FANCD2: variants seen among roughly 807,000 people sequenced by gnomAD.
FANCD2 encodes the protein Fanconi anemia group D2 protein.
In FANCD2, 131 loss-of-function variants were observed where a neutral mutation model predicts 192.3. That is an observed-to-expected ratio of 0.68 (90% CI 0.59 to 0.79). The LOEUF (loss-of-function observed/expected upper bound fraction) is 0.79. Among genes scored for constraint, FANCD2 ranks in the 30% least tolerant of loss-of-function variants. FANCD2 has a pLI of 0.00. For missense variants in FANCD2, 1,508 were observed against 1,701.6 expected (o/e 0.89, Z 2.00); for synonymous variants, 524 against 612.5 (o/e 0.86, Z 2.13).
intron 43 of FANCD2, among the ~76,000 whole-genome samples, chr3:10,100,806 A>G (rs1695255892): frequency 6.6e-6 from 1 of 152,192 alleles, no homozygotes; most frequent in African/African-American, 2.4e-5. Context: ...GCAATGGCTC[A>G]CGCCTGTAAT....
At chr3:10,029,238 A>T (rs1257242890) in intron 2 of FANCD2, among the ~76,000 whole-genome samples, 2 of 152,188 alleles carry the variant, frequency 1.3e-5, no homozygotes, top group African/African-American at 4.8e-5. Flanking sequence ...TATCGCTCAC[A>T]CCTGTAATCC....
chr3:10,098,532 G>A (rs34930341), intron 42 of FANCD2, among the ~76,000 whole-genome samples, 188 bp from the exon 43 acceptor site: 36 of 152,266 alleles, frequency 2.4e-4, no homozygotes, highest in African/African-American at 8.2e-4. Flanking sequence ...CAGGGCCACA[G>A]ACATCTCAGA....
intron 2 of FANCD2, among the ~76,000 whole-genome samples, chr3:10,031,489 A>G (rs35590470): frequency 0.17 from 25,349 of 148,772 alleles, 2,393 homozygotes; most frequent in African/African-American, 0.24. Flanking sequence ...GCGACAGAGC[A>G]AGACTCCATT....
intron 18 of FANCD2, among the ~76,000 whole-genome samples, chr3:10,056,302 G>A (rs900557097): frequency 3.9e-5 from 6 of 152,116 alleles, no homozygotes; most frequent in African/African-American, 1.4e-4. Context: ...ATATTTGTTT[G>A]AGTCCCTGTT....
rs111589951 is a variant in FANCD2 at position 10,060,167 on chromosome 3, C to CAA, written c.1657-113_1657-112dup. Reference sequence around the variant, plus strand: ...AGGCAACAAGAACGAAAGTCCGTCTCAAAAAAAAAAAAAAACAGTTAGTAA... The same window carrying CAA: ...AGGCAACAAGAACGAAAGTCCGTCTCAAAAAAAAAAAAAAAAACAGTTAGTAA... On this transcript the variant is annotated intron_variant, in intron 18 of 43. Transcript: ENST00000675286. The CAA allele has an allele frequency of 0.056, 29,993 of 534,850 alleles. 374 individuals carry two copies. The highest frequency in any genetic ancestry group is 0.13 in the African/African-American group (5,829 of 43,310). The allele number at this position is 534,850 out of a possible 1,614,324, so 33.1% of individuals were successfully genotyped here. A position where few individuals can be genotyped will look rare whatever the true frequency, so the allele number is the denominator to read the frequency against.
intron 32 of FANCD2, among the ~76,000 whole-genome samples, chr3:10,084,579 C>T (rs944059634): frequency 2.0e-5 from 3 of 152,106 alleles, no homozygotes; most frequent in Admixed American, 6.6e-5. Context: ...GCATTAGAGG[C>T]GTGAGCCACC....
chr3:10,096,081 A>T (rs1175773458), intron 41 of FANCD2, among the ~76,000 whole-genome samples: 5 of 152,208 alleles, frequency 3.3e-5, no homozygotes, highest in Non-Finnish European at 7.3e-5. Flanking sequence ...AATTCATTGA[A>T]GATCGGCCAG....
In FANCD2 at chr3:10,039,947, A is replaced by G. The variant is rs35775868; in HGVS notation, c.695+102A>G. On this transcript the variant is annotated intron_variant, in intron 9 of 43. Transcript: ENST00000675286. ...AGTAATATGGTCTCTTCTATCTAAA[A>G]AGAGGATGATACCCCCCTTCATGAG... 57,249 of 1,406,340 alleles carry G rather than the reference A, an allele frequency of 0.041. 1,356 individuals are homozygous for G. The highest frequency in any genetic ancestry group is 0.067 in the South Asian group (5,575 of 83,416). 87.1% of individuals were successfully genotyped at this position (1,406,340 alleles called of 1,614,324 possible). A position where few individuals can be genotyped will look rare whatever the true frequency, so the allele number is the denominator to read the frequency against.
chr3:10,078,104 G>T lies in FANCD2; in HGVS notation c.2883G>T (p.Gly961=). 6.2e-7 allele frequency: 1 copy of T among 1,613,476 alleles called. No individual in the cohort carries two copies. The highest frequency in any genetic ancestry group is 8.5e-7 in the Non-Finnish European group (1 of 1,179,558). ...HTEATEVVQL[G]PPELLFLLED... ...AGGCTACAGAAGTTGTGCAACTTGGGCCCCCTGAGCTGCTTTTCTTGCTGG... is the reference window on the plus strand; with the variant it reads ...AGGCTACAGAAGTTGTGCAACTTGGTCCCCCTGAGCTGCTTTTCTTGCTGG... The change falls in exon 30 of 44, where the codon GGG becomes GGT. Residue 961 remains glycine (G), a synonymous_variant. Coordinates refer to ENST00000675286, the MANE Select transcript of FANCD2 (RefSeq NM_001018115.3).
At chr3:10,032,382 G>A (rs777792026) in intron 2 of FANCD2, 10 of 329,420 alleles carry the variant, frequency 3.0e-5, no homozygotes, top group South Asian at 2.4e-4. Context: ...CTGGGCTCAA[G>A]TTATTCTTCC....
intron 42 of FANCD2, among the ~76,000 whole-genome samples, chr3:10,097,249 A>G (rs1695024645): frequency 6.6e-6 from 1 of 152,224 alleles, no homozygotes; most frequent in Non-Finnish European, 1.5e-5. Flanking sequence ...CATTGATAAC[A>G]TCTTATCAGG....
intron 26 of FANCD2, 58 bp downstream of exon 26, chr3:10,067,375 A>G: frequency 2.9e-6 from 3 of 1,026,004 alleles, no homozygotes; most frequent in Non-Finnish European, 4.6e-6. Context: ...GCAATAAAGC[A>G]CTTAGCTTTC....
chr3:10,064,896 C>G (rs1410338940), intron 23 of FANCD2, 21 bp downstream of exon 23: 8 of 1,613,236 alleles, frequency 5.0e-6, no homozygotes, highest in Non-Finnish European at 6.8e-6. Context: ...TTTTTCTTTT[C>G]TAAACCTGTT....
At chr3:10,078,348 CTTTA>C (rs376755596) in intron 30 of FANCD2, 151 bp downstream of exon 30, 98 of 644,568 alleles carry the variant, frequency 1.5e-4, no homozygotes, top group Middle Eastern at 4.0e-4. Flanking sequence ...ATTCATCTTG[CTTTA>C]TTTATTTATT....
At chr3:10,054,434 TAC>T (rs1559383302) in intron 18 of FANCD2, among the ~76,000 whole-genome samples, 1 of 81,160 alleles carries the variant, frequency 1.2e-5, no homozygotes, top group African/African-American at 8.9e-5. Flanking sequence ...TACATGTATA[TAC>T]ATGTATATAC....
chr3:10,064,915 G>C, intron 23 of FANCD2, 40 bp downstream of exon 23: 1 of 1,609,288 alleles, frequency 6.2e-7, no homozygotes, highest in Non-Finnish European at 8.5e-7. Flanking sequence ...TTAGTGTTTT[G>C]AATGTTCATG....
chr3:10,054,760 G>A (rs1259783153), intron 18 of FANCD2, among the ~76,000 whole-genome samples: 1 of 151,014 alleles, frequency 6.6e-6, no homozygotes, highest in Non-Finnish European at 1.5e-5. Context: ...TGGGATTACA[G>A]GCCTGAGCCA....
chr3:10,069,421 A>G (rs1047997317), intron 26 of FANCD2, among the ~76,000 whole-genome samples: 2 of 151,458 alleles, frequency 1.3e-5, no homozygotes, highest in African/African-American at 2.4e-5. Context: ...AATGCAAATC[A>G]AAACTGCCAT....
Position 10,101,379 on chromosome 3 carries a change from T to A in FANCD2, c.*117T>A. The A allele has an allele frequency of 1.2e-5, 2 of 173,856 alleles. No individual in the cohort carries two copies. The highest frequency in any genetic ancestry group is 2.1e-5 in the Non-Finnish European group (2 of 97,008). 10.8% of individuals were successfully genotyped at this position (173,856 alleles called of 1,614,324 possible). A position where few individuals can be genotyped will look rare whatever the true frequency, so the allele number is the denominator to read the frequency against. On this transcript the variant is annotated 3_prime_UTR_variant, in exon 44 of 44. Coordinates refer to ENST00000675286, the MANE Select transcript of FANCD2 (RefSeq NM_001018115.3). ...TGGTAGGATCCTTTTTTGTTCCTCT[T>A]TTTTTTTTTTTTTTTTTTTTTTTAA... is the stretch of plus-strand genomic sequence containing the variant.
Sources: gnomAD v4.1 joint callset for allele counts (sites outside exome capture counted in the v4.1 genomes callset) on GRCh38, gnomAD v4.1.1 for gene constraint, MANE v1.5 for transcripts, NCBI Gene and HGNC (gene_info 2026-07-23, HGNC 2026-07-21) for gene names.